EGFR: variants seen among roughly 807,000 people sequenced by gnomAD.
The protein encoded by EGFR is epidermal growth factor receptor, also known as avian erythroblastic leukemia viral (v-erb-b) oncogene homolog.
In EGFR, 58 loss-of-function variants were observed where a neutral mutation model predicts 143.0. The observed-to-expected ratio is 0.41, with a 90% confidence interval of 0.33 to 0.50. The LOEUF is 0.50. Among genes scored for constraint, EGFR ranks in the 20% least tolerant of loss-of-function variants. The pLI, the probability that EGFR is intolerant of heterozygous loss-of-function variation, is 0.39. For synonymous variants in EGFR, 613 were observed against 594.4 expected (o/e 1.03, Z -0.45); for missense variants, 1,307 against 1,579.0 (o/e 0.83, Z 2.92).
chr7:55,046,752 T>C (rs1460131937), intron 1 of EGFR, among the ~76,000 whole-genome samples: 1 of 152,178 alleles, frequency 6.6e-6, no homozygotes, highest in Non-Finnish European at 1.5e-5. Flanking sequence ...TGTAAATAGA[T>C]TTGAGTTTAT....
chr7:55,068,192 C>A (rs1003473768), intron 1 of EGFR, among the ~76,000 whole-genome samples: 11 of 152,138 alleles, frequency 7.2e-5, no homozygotes, highest in Non-Finnish European at 1.3e-4. Context: ...TTTGGTTTGG[C>A]TCTTCTGTTT....
chr7:55,148,217 G>A (rs906275518), intron 4 of EGFR, among the ~76,000 whole-genome samples: 1 of 152,062 alleles, frequency 6.6e-6, no homozygotes, highest in South Asian at 2.1e-4. Context: ...TGAGATCAAG[G>A]TTAGCATTTC....
chr7:55,043,840 T>A (rs1788039717), intron 1 of EGFR: 1 of 152,230 alleles, frequency 6.6e-6, no homozygotes, highest in Admixed American at 6.5e-5. Flanking sequence ...CAGTTAATGA[T>A]CCTTTGCCTG....
At chr7:55,108,242 G>A (rs933748744) in intron 1 of EGFR, among the ~76,000 whole-genome samples, 6 of 152,224 alleles carry the variant, frequency 3.9e-5, no homozygotes, top group African/African-American at 1.4e-4. Flanking sequence ...AACAAAAATA[G>A]AATCATGCTT....
At chr7:55,079,153 C>G (rs1043463622) in intron 1 of EGFR, among the ~76,000 whole-genome samples, 7 of 152,130 alleles carry the variant, frequency 4.6e-5, no homozygotes, top group African/African-American at 1.7e-4. Context: ...GGGAAAGCCC[C>G]GCTAAGGCTG....
chr7:55,171,018 ATAAT>A (rs1786324349), intron 15 of EGFR, 153 bp from the exon 16 acceptor site: 8 of 1,485,908 alleles, frequency 5.4e-6, no homozygotes, highest in African/African-American at 2.8e-5. Flanking sequence ...TGCATAATAA[ATAAT>A]TAACCACCAA....
chr7:55,096,735 C>T (rs374725242), intron 1 of EGFR, among the ~76,000 whole-genome samples: 49 of 152,310 alleles, frequency 3.2e-4, no homozygotes, highest in African/African-American at 1.1e-3. Context: ...GGCTCCCTCA[C>T]GCTGCAGCAG....
At chr7:55,081,841 GT>G (rs1294489120) in intron 1 of EGFR, among the ~76,000 whole-genome samples, 2 of 151,856 alleles carry the variant, frequency 1.3e-5, no homozygotes, top group Non-Finnish European at 2.9e-5. Context: ...GCACAGGAAA[GT>G]TTCCCAGATA....
chr7:55,066,155 G>GT (rs1188398828), intron 1 of EGFR, among the ~76,000 whole-genome samples: 2 of 152,078 alleles, frequency 1.3e-5, no homozygotes, highest in Non-Finnish European at 2.9e-5. Flanking sequence ...TTCCTCCCAT[G>GT]TTTGCAAAGC....
At chr7:55,172,887 T>C (rs767713392) in intron 16 of EGFR, 96 bp from the exon 17 acceptor site, 78 of 1,611,084 alleles carry the variant, frequency 4.8e-5, no homozygotes, top group Non-Finnish European at 6.2e-5. Context: ...TTCTACAAGA[T>C]GTCAGTGCAC....
chr7:55,061,651 A>T (rs77583434), intron 1 of EGFR, among the ~76,000 whole-genome samples: 9,191 of 58,060 alleles, frequency 0.16, 377 homozygotes, highest in African/African-American at 0.28. Flanking sequence ...TGTGTGTGTG[A>T]GAGAGAGAGA....
chr7:55,138,237 A>T (rs12666347), intron 1 of EGFR, among the ~76,000 whole-genome samples: 46,948 of 152,078 alleles, frequency 0.31, 8,303 homozygotes, highest in East Asian at 0.68. Flanking sequence ...TAGTGCTTTG[A>T]AGTCCTAAGT....
At chr7:55,031,815 GT>G (rs1242936557) in intron 1 of EGFR, among the ~76,000 whole-genome samples, 2 of 152,168 alleles carry the variant, frequency 1.3e-5, no homozygotes, top group East Asian at 3.9e-4. Context: ...ATTCTTCGGG[GT>G]TTTTTGTTTT....
intron 6 of EGFR, among the ~76,000 whole-genome samples, chr7:55,153,442 C>T (rs1331671479): frequency 6.6e-6 from 1 of 152,186 alleles, no homozygotes; most frequent in Non-Finnish European, 1.5e-5. Context: ...GAGAAGATTC[C>T]TAAATTCCAG....
chr7:55,158,944 G>A (rs1457467829), intron 11 of EGFR, among the ~76,000 whole-genome samples: 1 of 152,212 alleles, frequency 6.6e-6, no homozygotes, highest in East Asian at 1.9e-4. Flanking sequence ...GCCTCTGGAT[G>A]ATACTCTAAC....
Position 55,112,627 on chromosome 7 carries a change from G to A in EGFR, c.89-29659G>A, listed in dbSNP as rs757043663. Among the ~76,000 whole-genome samples the A allele has an allele frequency of 5.9e-5, 9 of 152,190 alleles. No homozygotes were observed. In the South Asian group the frequency reaches 1.2e-3, roughly 21 times the overall value. ...GAGCCTCAGCAGCCTCCTGTGAAGC[G>A]AGGAAGGGTCTTCCTGCCGGCCTCT... On this transcript the variant is annotated intron_variant, in intron 1 of 27. Coordinates refer to ENST00000275493, the MANE Select transcript of EGFR (RefSeq NM_005228.5).
At chr7:55,189,139 C>CAT (rs1399408901) in intron 20 of EGFR, among the ~76,000 whole-genome samples, 56 of 151,104 alleles carry the variant, frequency 3.7e-4, no homozygotes, top group Admixed American at 1.1e-3. Flanking sequence ...TACACATATA[C>CAT]ATATATATAT....
intron 1 of EGFR, among the ~76,000 whole-genome samples, chr7:55,089,955 T>C: frequency 1.3e-5 from 2 of 150,582 alleles, no homozygotes; most frequent in South Asian, 4.6e-4. Flanking sequence ...TATTTATTTA[T>C]TTATTTATTT....
chr7:55,103,941 C>T (rs1791972049), intron 1 of EGFR, among the ~76,000 whole-genome samples: 1 of 152,188 alleles, frequency 6.6e-6, no homozygotes, highest in Non-Finnish European at 1.5e-5. Flanking sequence ...TCTAAAAATT[C>T]ATTACTTGCA....
Sources: allele counts gnomAD v4.1 joint callset (sites outside exome capture counted in the v4.1 genomes callset), GRCh38; gene constraint gnomAD v4.1.1; transcripts MANE v1.5; gene names NCBI Gene and HGNC (gene_info 2026-07-23, HGNC 2026-07-21).